Variants in FBXL14 observed in about 807,000 individuals in gnomAD.
FBXL14 encodes the protein F-box/LRR-repeat protein 14.
A neutral mutation model predicts 24.5 loss-of-function variants in FBXL14; 11 were observed. The ratio of observed to expected loss-of-function variants is 0.45; its 90% CI spans 0.28 to 0.74. The LOEUF (loss-of-function observed/expected upper bound fraction) is 0.74, where lower values mean the gene tolerates loss of function less well. Among genes scored for constraint, FBXL14 ranks in the 30% least tolerant of loss-of-function variants. The pLI is 0.12. For synonymous variants in FBXL14, 294 were observed against 240.4 expected, an observed-to-expected ratio of 1.22 and a Z score of -2.06; for missense variants, 384 against 545.6, an observed-to-expected ratio of 0.70 and a Z score of 2.95.
At chr12:1,582,180 AAAG>A (rs1486480679) in intron 1 of FBXL14, among the ~76,000 whole-genome samples, 3 of 151,970 alleles carry the variant, frequency 2.0e-5, no homozygotes, top group Admixed American at 6.6e-5. Context: ...AAAAGAAAGA[AAAG>A]AAAGGAAGAA....
chr12:1,572,856 G>A (rs1442499686), intron 1 of FBXL14, among the ~76,000 whole-genome samples: 1 of 152,146 alleles, frequency 6.6e-6, no homozygotes, highest in African/African-American at 2.4e-5. Context: ...CGGTGGAGGG[G>A]GGATGGAGAG....
In FBXL14 at chr12:1,593,295, G is replaced by A; in HGVS notation, c.772C>T (p.Leu258Phe). The A allele has an allele frequency of 6.2e-7, 1 of 1,612,970 alleles. No individual in the cohort carries two copies. The highest frequency in any genetic ancestry group is 8.5e-7 in the Non-Finnish European group (1 of 1,179,844). The change falls in exon 1 of 2, where the codon CTC becomes TTC. Residue 258 changes from leucine (L) to phenylalanine (F), a missense_variant. Coordinates refer to ENST00000339235, the MANE Select transcript of FBXL14 (RefSeq NM_152441.3). The surrounding 1 kb of genome is among the most constrained non-coding windows in gnomAD (Gnocchi z 7.4). ...HLSHMGSLRS[L>F]NLRSCDNISD... ...ATGTTGTCACAGGAGCGCAGGTTGAGGCTGCGCAGGCTGCCCATGTGCGAC... is the reference window on the plus strand; with the variant it reads ...ATGTTGTCACAGGAGCGCAGGTTGAAGCTGCGCAGGCTGCCCATGTGCGAC...
In FBXL14 at chr12:1,569,947, G is replaced by A. The variant is rs902244024; in HGVS notation, c.1195-3137C>T. On this transcript the variant is annotated intron_variant, in intron 1 of 1. Transcript: ENST00000339235. This position sits in a 1 kb window ranked among gnomAD's most constrained non-coding sequence, Gnocchi z 4.2. ...TCGAGAGCTGCACTTCTGCCCTCAG[G>A]CCCACTGAGCTCCTTCTGCAAGGAA... is the stretch of plus-strand genomic sequence containing the variant. Among the ~76,000 whole-genome samples, 1 of 152,230 alleles carries A rather than the reference G, an allele frequency of 6.6e-6. No homozygotes were observed. Among genetic ancestry groups the A allele is most frequent in the African/African-American group, 2.4e-5 (1 of 41,450 alleles).
intron 1 of FBXL14, among the ~76,000 whole-genome samples, chr12:1,585,721 G>A (rs1311851577): frequency 6.6e-6 from 1 of 152,196 alleles, no homozygotes; most frequent in African/African-American, 2.4e-5. Flanking sequence ...AATATAAGAA[G>A]GTGCCTAGTA....
intron 1 of FBXL14, among the ~76,000 whole-genome samples, chr12:1,578,882 G>A (rs978412068): frequency 1.3e-5 from 2 of 152,056 alleles, no homozygotes; most frequent in Non-Finnish European, 2.9e-5. Context: ...TTAGAGACAT[G>A]CCACTGTGTG....
At position 1,567,093 on chromosome 12, in the gene FBXL14, A is replaced by C. The variant is rs548831486; in HGVS notation, c.1195-283T>G. 3.9e-5 allele frequency among the ~76,000 whole-genome samples: 6 copies of C among 152,288 alleles called. 1 individual carries two copies. The highest frequency in any genetic ancestry group is 3.9e-4 in the Admixed American group (6 of 15,294). The stretch of plus-strand genomic sequence containing the variant: ...ACTATAGAGTAGACCTTCCCACCGC[A>C]CACTCACGGCCTCTTTACAGCAGCT... On this transcript the variant is annotated intron_variant, in intron 1 of 1. Transcript: ENST00000339235. This position sits in a 1 kb window ranked among gnomAD's most constrained non-coding sequence, Gnocchi z 4.8.
rs183138553 is a variant in FBXL14 at position 1,575,209 on chromosome 12, A to G, written c.1195-8399T>C. 2.0e-5 allele frequency among the ~76,000 whole-genome samples: 3 copies of G among 152,346 alleles called. No individual in the cohort carries two copies. In the East Asian group the frequency reaches 5.8e-4, roughly 29 times the overall value. On this transcript the variant is annotated intron_variant, in intron 1 of 1. Transcript: ENST00000339235. ...ATTTAAATAAAAATAAAGATCCCCT[A>G]CAGCTCCATCCTCCTTTGCTCACTG... is the stretch of plus-strand genomic sequence containing the variant.
In FBXL14 at chr12:1,594,110, GC is replaced by G. The variant is rs762169405; in HGVS notation, c.-45del. The G allele has an allele frequency of 7.6e-7, 1 of 1,323,948 alleles. No homozygotes were observed. Among genetic ancestry groups the G allele is most frequent in the Non-Finnish European group, 9.6e-7 (1 of 1,040,078 alleles). 82.0% of individuals were successfully genotyped at this position (1,323,948 alleles called of 1,614,324 possible). Reference sequence around the variant, plus strand: ...GCGGCGCTGGGGGGAGGAGGCGCGGGCCCCGCCGCTCCGGCCTCGGGCAGGC... The same window carrying G: ...GCGGCGCTGGGGGGAGGAGGCGCGGGCCCGCCGCTCCGGCCTCGGGCAGGC... On this transcript the variant is annotated 5_prime_UTR_variant, in exon 1 of 2. Coordinates refer to ENST00000339235, the MANE Select transcript of FBXL14 (RefSeq NM_152441.3).
intron 1 of FBXL14, chr12:1,587,660 C>T (rs1187451329): frequency 6.6e-6 from 1 of 152,172 alleles, no homozygotes; most frequent in Non-Finnish European, 1.5e-5. Context: ...ACCTTTGATA[C>T]TTCATTAAGT....
intron 1 of FBXL14, among the ~76,000 whole-genome samples, chr12:1,586,352 C>CT (rs941556185): frequency 2.0e-5 from 3 of 151,782 alleles, no homozygotes; most frequent in Non-Finnish European, 4.4e-5. Context: ...GAGCGAGACT[C>CT]TGTCTCAAAA....
Position 1,593,888 on chromosome 12 carries a change from G to A in FBXL14, c.179C>T (p.Ser60Leu). The change falls in exon 1 of 2, where the codon TCG becomes TTG. Residue 60 changes from serine to leucine, a missense_variant. Transcript: ENST00000339235. The surrounding 1 kb of genome is among the most constrained non-coding windows in gnomAD (Gnocchi z 7.4). ...CCGGGCCTGCAGGCTGGGGAACAGC[G>A]ACGGGTTGGCCCGGCGCAGGTGCAG... is the stretch of plus-strand genomic sequence containing the variant. ...AKLHLRRANP[S>L]LFPSLQARGI... 1.2e-6 allele frequency: 2 copies of A among 1,608,210 alleles called. No homozygotes were observed. The highest frequency in any genetic ancestry group is 1.7e-6 in the Non-Finnish European group (2 of 1,179,398).
intron 1 of FBXL14, among the ~76,000 whole-genome samples, chr12:1,583,702 G>A (rs567402698): frequency 2.6e-5 from 4 of 152,342 alleles, no homozygotes; most frequent in Non-Finnish European, 2.9e-5. Flanking sequence ...TGCAGACTTC[G>A]TGGATTTCTC....
At chr12:1,591,522 T>C (rs2094490011) in intron 1 of FBXL14, among the ~76,000 whole-genome samples, 1 of 152,196 alleles carries the variant, frequency 6.6e-6, no homozygotes, top group African/African-American at 2.4e-5. Context: ...TTTAACTCCA[T>C]GGTCTTGCAT....
At chr12:1,572,678 G>A (rs2094447418) in intron 1 of FBXL14, among the ~76,000 whole-genome samples, 1 of 152,172 alleles carries the variant, frequency 6.6e-6, no homozygotes, top group Admixed American at 6.5e-5. Context: ...GAGGATCCCG[G>A]ACAGCGTGCA....
At chr12:1,592,216 T>A (rs2094491963) in intron 1 of FBXL14, among the ~76,000 whole-genome samples, 1 of 147,230 alleles carries the variant, frequency 6.8e-6, no homozygotes, top group Non-Finnish European at 1.5e-5. Flanking sequence ...ATAATTTATA[T>A]ATATATAATA....
chr12:1,570,281 C>T (rs776206240), intron 1 of FBXL14, among the ~76,000 whole-genome samples: 5 of 152,168 alleles, frequency 3.3e-5, no homozygotes, highest in Non-Finnish European at 7.4e-5. Context: ...CGGTGATGGA[C>T]GTGGCCACTG....
Position 1,593,866 on chromosome 12 carries a change from G to C in FBXL14, c.201C>G (p.Ala67=). 1 of 1,612,524 alleles carries C rather than the reference G, an allele frequency of 6.2e-7. No homozygotes were observed. The highest frequency in any genetic ancestry group is 1.3e-5 in the African/African-American group (1 of 75,050). ...GGATCTGCACCCGGCGGATGCCCCG[G>C]GCCTGCAGGCTGGGGAACAGCGACG... ...ANPSLFPSLQ[A]RGIRRVQILS... is the part of the protein sequence containing the mutation. The change falls in exon 1 of 2, where the codon GCC becomes GCG. Residue 67 remains alanine, a synonymous_variant. Coordinates refer to ENST00000339235, the MANE Select transcript of FBXL14 (RefSeq NM_152441.3). This position sits in a 1 kb window ranked among gnomAD's most constrained non-coding sequence, Gnocchi z 7.4.
intron 1 of FBXL14, among the ~76,000 whole-genome samples, chr12:1,572,550 TC>T (rs756792946): frequency 1.3e-5 from 2 of 152,170 alleles, no homozygotes; most frequent in South Asian, 4.1e-4. Context: ...CCCGCCCCAT[TC>T]CCAGAGAGGC....
At chr12:1,573,534 C>T (rs561169651) in intron 1 of FBXL14, among the ~76,000 whole-genome samples, 46 of 152,226 alleles carry the variant, frequency 3.0e-4, no homozygotes, top group African/African-American at 9.9e-4. Context: ...TGTAACATTG[C>T]GGGGCCAGAA....
Sources: allele counts gnomAD v4.1 joint callset (sites outside exome capture counted in the v4.1 genomes callset), GRCh38; gene constraint gnomAD v4.1.1; non-coding constraint Gnocchi (gnomAD v3.1); transcripts MANE v1.5; gene names NCBI Gene and HGNC (gene_info 2026-07-23, HGNC 2026-07-21).